PLEKHM3: variants seen among roughly 807,000 people sequenced by gnomAD.
The protein encoded by PLEKHM3 is pleckstrin homology domain-containing family M member 3.
A neutral mutation model predicts 81.8 loss-of-function variants in PLEKHM3; 45 were observed. That is an observed-to-expected ratio of 0.55 (90% CI 0.43 to 0.71). PLEKHM3 has a LOEUF of 0.71. Among genes scored for constraint, PLEKHM3 ranks in the 30% least tolerant of loss-of-function variants. PLEKHM3 has a pLI of 0.00. For missense variants in PLEKHM3, 788 were observed against 924.3 expected (o/e 0.85, Z 1.91); for synonymous variants, 352 against 356.4 (o/e 0.99, Z 0.14).
At chr2:208,013,468 A>C (rs981692879) in intron 1 of PLEKHM3, among the ~76,000 whole-genome samples, 1 of 151,652 alleles carries the variant, frequency 6.6e-6, no homozygotes, top group African/African-American at 2.4e-5. Flanking sequence ...GTGAGCCGAG[A>C]TCACACCACT....
At chr2:207,901,972 T>A (rs1688445285) in intron 6 of PLEKHM3, among the ~76,000 whole-genome samples, 1 of 152,206 alleles carries the variant, frequency 6.6e-6, no homozygotes, top group Admixed American at 6.5e-5. Flanking sequence ...GCTTTGTTTT[T>A]CTGCTTGTTA....
rs746634771 is a variant in PLEKHM3, at chr2:207,908,467, T to G, written c.1950+47A>C. On this transcript the variant is annotated intron_variant, in intron 6 of 7. Transcript: ENST00000427836. ...CAAAGACCAAAGTCAACAAAGAGAC[T>G]TCTCCAGGAAAGCAACAAAAATGAA... 9 of 1,548,918 alleles carry G rather than the reference T, an allele frequency of 5.8e-6. No homozygotes were observed. The Admixed American group carries it at 1.4e-4, about 25-fold the overall frequency.
At chr2:208,004,864 G>A (rs375810101) in intron 1 of PLEKHM3, among the ~76,000 whole-genome samples, 13 of 151,564 alleles carry the variant, frequency 8.6e-5, no homozygotes, top group South Asian at 2.1e-4. Context: ...TTGCTCTTTC[G>A]CCCAGGCTAG....
chr2:207,913,654 C>T (rs773511930), intron 5 of PLEKHM3, among the ~76,000 whole-genome samples: 5 of 151,446 alleles, frequency 3.3e-5, no homozygotes, highest in Admixed American at 6.6e-5. Context: ...TACTCTTTTA[C>T]GAAGTCAACT....
intron 6 of PLEKHM3, among the ~76,000 whole-genome samples, chr2:207,898,528 C>CA (rs1343993539): frequency 2.0e-5 from 3 of 152,162 alleles, no homozygotes; most frequent in Non-Finnish European, 4.4e-5. Flanking sequence ...CTGAGGCGGG[C>CA]AAATCACTTG....
intron 1 of PLEKHM3, among the ~76,000 whole-genome samples, chr2:208,018,975 T>C (rs1470581384): frequency 1.3e-5 from 2 of 150,986 alleles, no homozygotes; most frequent in African/African-American, 2.4e-5. Flanking sequence ...ATTGTGCCAC[T>C]GCATCTCACA....
chr2:208,011,392 C>T (rs1223638648), intron 1 of PLEKHM3, among the ~76,000 whole-genome samples: 2 of 152,084 alleles, frequency 1.3e-5, no homozygotes, highest in Non-Finnish European at 2.9e-5. Flanking sequence ...TATATCTATA[C>T]ATCATATAGA....
At chr2:207,860,144 T>C (rs2105810124) in intron 7 of PLEKHM3, among the ~76,000 whole-genome samples, 1 of 146,240 alleles carries the variant, frequency 6.8e-6, no homozygotes, top group African/African-American at 2.5e-5. Context: ...GAGGCTGAAC[T>C]CTGCCTCTGT....
At chr2:207,864,077 G>C (rs1459919272) in intron 6 of PLEKHM3, among the ~76,000 whole-genome samples, 1 of 151,974 alleles carries the variant, frequency 6.6e-6, no homozygotes, top group African/African-American at 2.4e-5. Flanking sequence ...AAAAAACAAT[G>C]TATAATAATT....
At chr2:207,910,212 C>T (rs1314142200) in intron 5 of PLEKHM3, among the ~76,000 whole-genome samples, 4 of 152,188 alleles carry the variant, frequency 2.6e-5, no homozygotes, top group African/African-American at 9.7e-5. Context: ...ACAGGTCCAG[C>T]ACAGCTGGGC....
intron 2 of PLEKHM3, among the ~76,000 whole-genome samples, chr2:207,979,017 T>C (rs1691427566): frequency 6.6e-6 from 1 of 152,178 alleles, no homozygotes; most frequent in Non-Finnish European, 1.5e-5. Context: ...GCCTTGTACA[T>C]AGTAGGTACT....
At chr2:207,831,770 A>G (rs537198762) in intron 7 of PLEKHM3, among the ~76,000 whole-genome samples, 1 of 152,224 alleles carries the variant, frequency 6.6e-6, no homozygotes, top group South Asian at 2.1e-4. Context: ...GGTCAGACCC[A>G]TGTCTTCTAG....
At chr2:207,985,468 C>T (rs1427184638) in intron 2 of PLEKHM3, among the ~76,000 whole-genome samples, 1 of 151,862 alleles carries the variant, frequency 6.6e-6, no homozygotes, top group Non-Finnish European at 1.5e-5. Flanking sequence ...TTCCCCAAAT[C>T]AGTAAGAAAT....
intron 6 of PLEKHM3, among the ~76,000 whole-genome samples, chr2:207,885,296 T>C (rs1229405767): frequency 6.6e-6 from 1 of 152,242 alleles, no homozygotes; most frequent in African/African-American, 2.4e-5. Flanking sequence ...CAGACAATTA[T>C]ATATCCTGAC....
At chr2:208,004,407 T>A (rs1191786164) in intron 1 of PLEKHM3, among the ~76,000 whole-genome samples, 1 of 119,734 alleles carries the variant, frequency 8.4e-6, no homozygotes, top group Non-Finnish European at 2.0e-5. Context: ...AACAGAGCAA[T>A]GCCCTGTCTC....
At chr2:207,956,128 T>C (rs1457904286) in intron 3 of PLEKHM3, among the ~76,000 whole-genome samples, 1 of 151,584 alleles carries the variant, frequency 6.6e-6, no homozygotes, top group Non-Finnish European at 1.5e-5. Flanking sequence ...AATAGAGGAG[T>C]ATGAAGAAAA....
intron 5 of PLEKHM3, among the ~76,000 whole-genome samples, chr2:207,916,635 C>A (rs947900893): frequency 2.6e-5 from 4 of 152,084 alleles, no homozygotes; most frequent in Admixed American, 2.6e-4. Flanking sequence ...GTAATCCCAG[C>A]TGCTAGGAAT....
intron 2 of PLEKHM3, among the ~76,000 whole-genome samples, chr2:207,983,554 C>CAT (rs1691615146): frequency 6.6e-6 from 1 of 150,606 alleles, no homozygotes; most frequent in African/African-American, 2.4e-5. Flanking sequence ...CCATGAATTT[C>CAT]ATACTGAAAC....
chr2:207,980,306 T>C (rs1691475879), intron 2 of PLEKHM3, among the ~76,000 whole-genome samples: 1 of 152,162 alleles, frequency 6.6e-6, no homozygotes, highest in Admixed American at 6.5e-5. Flanking sequence ...ACCTCACTTC[T>C]TTCTAACTAT....
Sources: gnomAD v4.1 joint callset for allele counts (sites outside exome capture counted in the v4.1 genomes callset) on GRCh38, gnomAD v4.1.1 for gene constraint, MANE v1.5 for transcripts, NCBI Gene and HGNC (gene_info 2026-07-23, HGNC 2026-07-21) for gene names.